Variants in PDCD11 observed in about 807,000 individuals in gnomAD.
The protein encoded by PDCD11 is protein RRP5 homolog.
A neutral mutation model predicts 198.9 loss-of-function variants in PDCD11; 97 were observed. The observed-to-expected ratio is 0.49, with a 90% CI of 0.41 to 0.58. The LOEUF (loss-of-function observed/expected upper bound fraction) is 0.58, where lower values mean the gene tolerates loss of function less well. Among genes scored for constraint, PDCD11 ranks in the 20% least tolerant of loss-of-function variants. The pLI is 0.00. For synonymous variants in PDCD11, 893 were observed against 918.0 expected (o/e 0.97, Z 0.49); for missense variants, 2,102 against 2,312.7 (o/e 0.91, Z 1.87).
chr10:103,419,463 T>C, intron 15 of PDCD11, 75 bp from the exon 16 acceptor site: 1 of 1,488,082 alleles, frequency 6.7e-7, no homozygotes, highest in Non-Finnish European at 9.2e-7. Context: ...TGTCCTTCTC[T>C]GTGGAGAAAG....
chr10:103,397,011 C>T (rs934318972), intron 1 of PDCD11, among the ~76,000 whole-genome samples: 7 of 152,114 alleles, frequency 4.6e-5, no homozygotes, highest in African/African-American at 1.7e-4. Flanking sequence ...CTAGACCCCC[C>T]AAACTTTCCT....
Position 103,402,071 on chromosome 10 carries a change from A to G in PDCD11, c.235-1047A>G, listed in dbSNP as rs555345475. On this transcript the variant is annotated intron_variant, in intron 3 of 35. Transcript: ENST00000369797. ...ACTAAAAATTTTTTTACATGAAAATATGATTTCTGGCTTCTTGTAAAAATT... is the reference window on the plus strand; with the variant it reads ...ACTAAAAATTTTTTTACATGAAAATGTGATTTCTGGCTTCTTGTAAAAATT... Among the ~76,000 whole-genome samples, 41 of 152,336 alleles carry G rather than the reference A, an allele frequency of 2.7e-4. No homozygotes were observed. In the South Asian group the frequency reaches 8.5e-3, roughly 32 times the overall value.
chr10:103,402,968 G>T (rs2030204756), intron 3 of PDCD11, 150 bp from the exon 4 acceptor site: 4 of 704,056 alleles, frequency 5.7e-6, no homozygotes, highest in East Asian at 2.6e-5. Context: ...CAGTCCTCCT[G>T]CCTTGGCCAC....
intron 1 of PDCD11, among the ~76,000 whole-genome samples, chr10:103,397,691 C>T (rs2093444479): frequency 1.3e-5 from 2 of 152,222 alleles, no homozygotes; most frequent in African/African-American, 4.8e-5. Flanking sequence ...GCCTCGGGCT[C>T]CCGAAGTGCT....
chr10:103,440,123 G>A (rs575465676), intron 28 of PDCD11, among the ~76,000 whole-genome samples, 167 bp from the exon 29 acceptor site: 1 of 152,318 alleles, frequency 6.6e-6, no homozygotes, highest in African/African-American at 2.4e-5. Context: ...TTTCTACTAA[G>A]CATGAAAAAT....
chr10:103,419,253 G>A (rs977941440), intron 15 of PDCD11, among the ~76,000 whole-genome samples: 1 of 152,066 alleles, frequency 6.6e-6, no homozygotes, highest in Non-Finnish European at 1.5e-5. Flanking sequence ...TTAGTGAATC[G>A]GGAATGGAAT....
intron 25 of PDCD11, among the ~76,000 whole-genome samples, chr10:103,437,478 G>GT (rs2032198818): frequency 1.3e-5 from 2 of 150,952 alleles, no homozygotes; most frequent in Admixed American, 1.3e-4. Context: ...AGTAGGTAGT[G>GT]TTATTTATTT....
At chr10:103,439,592 A>G (rs772501831) in intron 27 of PDCD11, among the ~76,000 whole-genome samples, 154 bp from the exon 28 acceptor site, 14 of 152,186 alleles carry the variant, frequency 9.2e-5, no homozygotes, top group Admixed American at 7.2e-4. Context: ...TTTCAAGTTT[A>G]CAAAGCCCAC....
Position 103,427,397 on chromosome 10 carries a change from G to A in PDCD11, c.3368+6G>A. On this transcript the variant is annotated splice_donor_region_variant and intron_variant, in intron 21 of 35. Transcript: ENST00000369797. ...GAGCTGAGTGTTCGGCCAAGGTGAGGGGGACATTAGCAGCACTGTCTTACG... is the reference window on the plus strand; with the variant it reads ...GAGCTGAGTGTTCGGCCAAGGTGAGAGGGACATTAGCAGCACTGTCTTACG... 6.2e-7 allele frequency: 1 copy of A among 1,608,860 alleles called. No individual in the cohort carries two copies. Among genetic ancestry groups the A allele is most frequent in the Non-Finnish European group, 8.5e-7 (1 of 1,176,946 alleles).
intron 2 of PDCD11, 99 bp downstream of exon 2, chr10:103,398,627 T>G: frequency 1.3e-6 from 1 of 778,708 alleles, no homozygotes; most frequent in Non-Finnish European, 2.2e-6. Flanking sequence ...TTTTCCAGAT[T>G]TTTTTTGCAT....
chr10:103,422,328 G>T (rs183398758), intron 17 of PDCD11, among the ~76,000 whole-genome samples: 188 of 151,698 alleles, frequency 1.2e-3, no homozygotes, highest in African/African-American at 4.5e-3. Context: ...TGATCCACCC[G>T]CCCTGGCCTC....
intron 5 of PDCD11, 60 bp from the exon 6 acceptor site, chr10:103,405,925 T>C: frequency 6.3e-7 from 1 of 1,576,522 alleles, no homozygotes; most frequent in Non-Finnish European, 8.7e-7. Flanking sequence ...AGTTTGGATG[T>C]TTTGTGTGTG....
In PDCD11 at chr10:103,406,013, A is replaced by G; in HGVS notation, c.593A>G (p.Glu198Gly). Residue 198 changes from glutamate to glycine, a missense_variant, in exon 6 of 36, where the codon GAA becomes GGA. Glu to Gly is a moderately conservative substitution (Grantham distance 98). Transcript: ENST00000369797. The stretch of plus-strand genomic sequence containing the variant: ...CTTACAGGTACCGTATCCAGCCTGG[A>G]AGACCATGGCTACCTAGTGGACATT... Reference protein sequence around the residue: ...MLLTGTVSSLEDHGYLVDIGV... With the variant: ...MLLTGTVSSLGDHGYLVDIGV... 1.2e-6 allele frequency: 2 copies of G among 1,614,080 alleles called. No homozygotes were observed. Among genetic ancestry groups the G allele is most frequent in the Non-Finnish European group, 1.7e-6 (2 of 1,179,942 alleles).
At chr10:103,404,403 A>G (rs1259032520) in intron 4 of PDCD11, among the ~76,000 whole-genome samples, 1 of 151,756 alleles carries the variant, frequency 6.6e-6, no homozygotes, top group Non-Finnish European at 1.5e-5. Context: ...GATTCAAGCA[A>G]TTCTCCTGCC....
At position 103,421,681 on chromosome 10, in the gene PDCD11, G is replaced by T. The variant is rs957734607; in HGVS notation, c.2497+114G>T. On this transcript the variant is annotated intron_variant, in intron 17 of 35. Coordinates refer to ENST00000369797, the MANE Select transcript of PDCD11 (RefSeq NM_014976.2). ...CCCAGAACATAAGAAAAAAAAATTT[G>T]GGGCCGGGCGCGGTGGCTCACGCCT... 4 of 835,740 alleles carry T rather than the reference G, an allele frequency of 4.8e-6. No homozygotes were observed. In the Admixed American group the frequency reaches 7.6e-5, roughly 16 times the overall value. 51.8% of individuals were successfully genotyped at this position (835,740 alleles called of 1,614,324 possible). A position where few individuals can be genotyped will look rare whatever the true frequency, so the allele number is the denominator to read the frequency against.
Position 103,423,080 on chromosome 10 carries a change from T to C in PDCD11, c.2590T>C (p.Phe864Leu). 1 of 1,606,400 alleles carries C rather than the reference T, an allele frequency of 6.2e-7. No individual in the cohort carries two copies. Among genetic ancestry groups the C allele is most frequent in the Non-Finnish European group, 8.5e-7 (1 of 1,176,050 alleles). The change falls in exon 18 of 36, where the codon TTC (phenylalanine) becomes CTC (leucine). Residue 864 changes from phenylalanine (F) to leucine (L), a missense_variant. Phe to Leu is a conservative substitution (Grantham distance 22). Transcript: ENST00000369797. ...QEVLEDGSVV[F>L]SGGPVPDLVL... Reference sequence around the variant, plus strand: ...GGTGTTGGAAGATGGCTCTGTGGTATTCAGTGGGGGTCCAGTGCCCGACCT... The same window carrying C: ...GGTGTTGGAAGATGGCTCTGTGGTACTCAGTGGGGGTCCAGTGCCCGACCT...
chr10:103,403,389 CG>C, intron 4 of PDCD11, 104 bp downstream of exon 4: 1 of 1,051,722 alleles, frequency 9.5e-7, no homozygotes, highest in Middle Eastern at 2.3e-4. Flanking sequence ...TACAAGGTCC[CG>C]TGAGAGTTTA....
At chr10:103,415,855 T>C (rs1169241711) in intron 12 of PDCD11, among the ~76,000 whole-genome samples, 1 of 152,116 alleles carries the variant, frequency 6.6e-6, no homozygotes, top group Admixed American at 6.5e-5. Context: ...GAAGGAAAGC[T>C]TCATAGGGTT....
At chr10:103,404,740 G>T (rs61871164) in intron 4 of PDCD11, among the ~76,000 whole-genome samples, 108 of 152,344 alleles carry the variant, frequency 7.1e-4, no homozygotes, top group Non-Finnish European at 1.3e-3. Flanking sequence ...GTGAGCCGAA[G>T]AATGAGTAAG....
Sources: allele counts gnomAD v4.1 joint callset (sites outside exome capture counted in the v4.1 genomes callset), GRCh38; gene constraint gnomAD v4.1.1; transcripts MANE v1.5; gene names NCBI Gene and HGNC (gene_info 2026-07-23, HGNC 2026-07-21).